Variants in SUGCT observed in about 807,000 individuals in gnomAD.
The protein encoded by SUGCT is succinyl-CoA:glutarate-CoA transferase, also known as succinyl-CoA:glutarate CoA-transferase.
A neutral mutation model predicts 55.0 loss-of-function variants in SUGCT; 41 were observed. The observed-to-expected ratio is 0.74, with a 90% CI of 0.58 to 0.97. The LOEUF (loss-of-function observed/expected upper bound fraction) is 0.97, where lower values mean the gene tolerates loss of function less well. Ranked by LOEUF, SUGCT falls within the 50% of genes least tolerant of loss-of-function variation. The pLI, the probability that SUGCT is intolerant of heterozygous loss-of-function variation, is 0.00. For synonymous variants in SUGCT, 187 were observed against 200.4 expected (o/e 0.93, Z 0.56); for missense variants, 568 against 547.8 (o/e 1.04, Z -0.37).
At chr7:40,857,272 C>T (rs1414551345) in intron 13 of SUGCT, among the ~76,000 whole-genome samples, 1 of 152,100 alleles carries the variant, frequency 6.6e-6, no homozygotes, top group African/African-American at 2.4e-5. Context: ...CCTTTGTTTT[C>T]TTCATGCAAA....
intron 12 of SUGCT, among the ~76,000 whole-genome samples, chr7:40,572,129 G>A (rs1026583592): frequency 2.0e-5 from 3 of 152,012 alleles, no homozygotes; most frequent in Admixed American, 6.5e-5. Context: ...GCTTAGCTTC[G>A]TTCAGGATGT....
chr7:40,383,403 G>A (rs1784966470), intron 9 of SUGCT, among the ~76,000 whole-genome samples: 2 of 152,086 alleles, frequency 1.3e-5, no homozygotes, highest in South Asian at 2.1e-4. Flanking sequence ...CTATTAGGAC[G>A]GGTTCAAGAC....
At chr7:40,671,988 A>G (rs1405179223) in intron 12 of SUGCT, among the ~76,000 whole-genome samples, 1 of 152,202 alleles carries the variant, frequency 6.6e-6, no homozygotes, top group East Asian at 1.9e-4. Context: ...AGATAGACAC[A>G]TAGATCAGTG....
chr7:40,440,853 G>A (rs755980556), intron 9 of SUGCT, among the ~76,000 whole-genome samples: 2 of 151,982 alleles, frequency 1.3e-5, no homozygotes, highest in East Asian at 3.9e-4. Context: ...AGCGACTCAG[G>A]AGGCTATGTG....
intron 7 of SUGCT, among the ~76,000 whole-genome samples, chr7:40,256,904 C>CAGCTAATTTTCGT (rs1790847941): frequency 6.6e-6 from 1 of 151,862 alleles, no homozygotes; most frequent in Admixed American, 6.6e-5. Flanking sequence ...CTACCACACC[C>CAGCTAATTTTCGT]AGCTAATTTT....
At chr7:40,152,204 G>A (rs1584192923) in intron 1 of SUGCT, among the ~76,000 whole-genome samples, 1 of 152,154 alleles carries the variant, frequency 6.6e-6, no homozygotes, top group Admixed American at 6.5e-5. Context: ...TTTTACAAAG[G>A]CAGTCTGGTC....
chr7:40,848,578 A>G (rs1793698173), intron 13 of SUGCT, among the ~76,000 whole-genome samples: 1 of 151,822 alleles, frequency 6.6e-6, no homozygotes, highest in African/African-American at 2.4e-5. Flanking sequence ...AAAATAGACA[A>G]CCTATAGATA....
intron 12 of SUGCT, among the ~76,000 whole-genome samples, chr7:40,587,662 G>GTAAGA (rs1410003915): frequency 6.6e-6 from 1 of 152,052 alleles, no homozygotes; most frequent in Non-Finnish European, 1.5e-5. Context: ...AACATGATTG[G>GTAAGA]TAAGATGTCA....
At chr7:40,782,069 T>C (rs1374125068) in intron 13 of SUGCT, among the ~76,000 whole-genome samples, 4 of 152,084 alleles carry the variant, frequency 2.6e-5, no homozygotes, top group Non-Finnish European at 5.9e-5. Flanking sequence ...TTCTTCAGTA[T>C]TTTTAAATAA....
Position 40,285,526 on chromosome 7 carries a change from G to A in SUGCT, c.720+10870G>A, listed in dbSNP as rs531803318. On this transcript the variant is annotated intron_variant, in intron 8 of 13. Coordinates refer to ENST00000335693, the MANE Select transcript of SUGCT (RefSeq NM_001193313.2). ...GCAAGAATTTTATTTAGAATAAAATGTTGCCATCGTGTCCTTGTGTATTGG... is the reference window on the plus strand; with the variant it reads ...GCAAGAATTTTATTTAGAATAAAATATTGCCATCGTGTCCTTGTGTATTGG... 2.1e-4 allele frequency among the ~76,000 whole-genome samples: 31 copies of A among 149,396 alleles called. 2 individuals are homozygous for A. The South Asian group carries it at 5.5e-3, about 27-fold the overall frequency.
At chr7:40,169,517 C>G (rs867387075) in intron 1 of SUGCT, among the ~76,000 whole-genome samples, 1 of 152,204 alleles carries the variant, frequency 6.6e-6, no homozygotes, top group African/African-American at 2.4e-5. Flanking sequence ...TTAGTGGCTT[C>G]TGACTCAGGA....
rs534575881 is a variant in SUGCT at position 40,464,696 on chromosome 7, C to A, written c.986+5498C>A. On this transcript the variant is annotated intron_variant, in intron 11 of 13. Transcript: ENST00000335693. ...AAATTAAAATTAAAAATTTAACTGG[C>A]CCTGCTGGCATGTGCCTGTAGTCCC... 2.6e-5 allele frequency among the ~76,000 whole-genome samples: 4 copies of A among 152,282 alleles called. No individual in the cohort carries two copies. The South Asian group carries it at 8.3e-4, about 32-fold the overall frequency.
chr7:40,912,647 T>G, the SUGCT span, among the ~76,000 whole-genome samples: 1 of 152,130 alleles, frequency 6.6e-6, no homozygotes, highest in African/African-American at 2.4e-5. Context: ...ATTTTTGTAG[T>G]CAAGATGTGT....
At chr7:40,832,953 C>T (rs764038943) in intron 13 of SUGCT, among the ~76,000 whole-genome samples, 14 of 151,976 alleles carry the variant, frequency 9.2e-5, no homozygotes, top group Non-Finnish European at 1.6e-4. Flanking sequence ...GGATTACAGG[C>T]GTGAGTCACT....
chr7:40,231,642 AGGGCATT>A (rs994091683), intron 6 of SUGCT, among the ~76,000 whole-genome samples: 1 of 152,208 alleles, frequency 6.6e-6, no homozygotes, highest in Non-Finnish European at 1.5e-5. Context: ...GGCCCAAGAT[AGGGCATT>A]GGGAAAACAG....
chr7:40,695,552 G>C (rs1212374120), intron 12 of SUGCT, among the ~76,000 whole-genome samples: 1 of 152,072 alleles, frequency 6.6e-6, no homozygotes, highest in African/African-American at 2.4e-5. Context: ...TCAATCCCTA[G>C]AAATATATTG....
rs1306935600 is a variant in SUGCT at position 40,860,623 on chromosome 7, A to G, written c.*144A>G. On this transcript the variant is annotated 3_prime_UTR_variant, in exon 14 of 14. Transcript: ENST00000335693. ...AGATTTCTTACATGGCATCTCCAGA[A>G]TGGCTCTGGTATTAATGAATCTAGT... The G allele has an allele frequency of 5.1e-6, 4 of 789,130 alleles. No homozygotes were observed. Among genetic ancestry groups the G allele is most frequent in the Non-Finnish European group, 7.5e-6 (4 of 535,652 alleles). The allele number at this position is 789,130 out of a possible 1,614,324, so 48.9% of individuals were successfully genotyped here.
intron 6 of SUGCT, among the ~76,000 whole-genome samples, chr7:40,227,969 G>A (rs951691267): frequency 1.3e-5 from 2 of 151,892 alleles, no homozygotes; most frequent in East Asian, 1.9e-4. Flanking sequence ...TGCAATCTCC[G>A]CCTCCTGGGT....
chr7:40,417,963 A>G (rs1787102005), intron 9 of SUGCT, among the ~76,000 whole-genome samples: 1 of 151,986 alleles, frequency 6.6e-6, no homozygotes, highest in South Asian at 2.1e-4. Flanking sequence ...GCATAGAAAA[A>G]CAATACATGT....
Sources: allele counts gnomAD v4.1 joint callset (sites outside exome capture counted in the v4.1 genomes callset), GRCh38; gene constraint gnomAD v4.1.1; transcripts MANE v1.5; gene names NCBI Gene and HGNC (gene_info 2026-07-23, HGNC 2026-07-21).